CLVS2: variants seen among roughly 807,000 people sequenced by gnomAD.
The protein encoded by CLVS2 is clavesin 2.
Under a neutral mutation model 29.0 loss-of-function variants are expected in CLVS2, and 19 were observed. The observed-to-expected ratio is 0.66, with a 90% CI of 0.46 to 0.96. CLVS2 has a LOEUF of 0.96. CLVS2 is among the 40% of genes least tolerant of loss of function. The probability of loss-of-function intolerance (pLI) is 0.00; values close to 1 mark genes in which losing one functional copy is unlikely to be tolerated. For synonymous variants in CLVS2, 161 were observed against 151.3 expected (o/e 1.06, Z -0.47); for missense variants, 294 against 404.1 (o/e 0.73, Z 2.34).
At chr6:123,036,539 G>A (rs1172334113) in intron 3 of CLVS2, among the ~76,000 whole-genome samples, 2 of 152,152 alleles carry the variant, frequency 1.3e-5, no homozygotes, top group African/African-American at 2.4e-5. Context: ...CAAGCTGAAC[G>A]CTTGCTTCTT....
intron 2 of CLVS2, among the ~76,000 whole-genome samples, chr6:123,005,537 A>G (rs1774655195): frequency 6.6e-6 from 1 of 152,196 alleles, no homozygotes; most frequent in Non-Finnish European, 1.5e-5. Flanking sequence ...TTTTCTTGTC[A>G]TGCTGAAAAG....
intron 5 of CLVS2, among the ~76,000 whole-genome samples, chr6:123,062,280 A>C (rs1401253326): frequency 1.3e-5 from 2 of 152,180 alleles, no homozygotes; most frequent in African/African-American, 4.8e-5. Context: ...CTCCTTTGTT[A>C]AAAAGTATTT....
At chr6:123,036,760 G>T (rs1216706656) in intron 3 of CLVS2, among the ~76,000 whole-genome samples, 1 of 152,122 alleles carries the variant, frequency 6.6e-6, no homozygotes, top group Admixed American at 6.6e-5. Flanking sequence ...TGAAGAACAT[G>T]TGCCTGAAAC....
At chr6:123,047,466 C>T (rs899303445) in intron 3 of CLVS2, among the ~76,000 whole-genome samples, 1 of 152,064 alleles carries the variant, frequency 6.6e-6, no homozygotes, top group Non-Finnish European at 1.5e-5. Flanking sequence ...GTAGAAGTTG[C>T]TTCGCAAAAT....
chr6:123,030,839 T>G (rs1363931839), intron 3 of CLVS2, among the ~76,000 whole-genome samples: 1 of 145,706 alleles, frequency 6.9e-6, no homozygotes, highest in Admixed American at 6.9e-5. Flanking sequence ...ATATATAAAA[T>G]ATATATATAT....
At chr6:123,062,312 G>A (rs971473602) in intron 5 of CLVS2, among the ~76,000 whole-genome samples, 1 of 152,050 alleles carries the variant, frequency 6.6e-6, no homozygotes, top group Admixed American at 6.6e-5. Flanking sequence ...TTTAAATAAA[G>A]ATGATTATGT....
intron 3 of CLVS2, among the ~76,000 whole-genome samples, chr6:123,036,675 C>T (rs1775158922): frequency 6.6e-6 from 1 of 152,170 alleles, no homozygotes; most frequent in African/African-American, 2.4e-5. Context: ...ATTAGAGTTC[C>T]TCATCAGCAC....
chr6:123,063,318 C>T (rs888305493), intron 5 of CLVS2, among the ~76,000 whole-genome samples: 2 of 151,654 alleles, frequency 1.3e-5, no homozygotes, highest in Non-Finnish European at 2.9e-5. Flanking sequence ...TAATTTTTTT[C>T]CATTTGGAGA....
chr6:123,044,429 A>G (rs572902101), intron 3 of CLVS2, among the ~76,000 whole-genome samples: 1 of 152,264 alleles, frequency 6.6e-6, no homozygotes, highest in East Asian at 1.9e-4. Context: ...CCCAAGCCAC[A>G]GTAGGATCTA....
At chr6:123,040,457 A>G (rs1240993176) in intron 3 of CLVS2, among the ~76,000 whole-genome samples, 1 of 152,230 alleles carries the variant, frequency 6.6e-6, no homozygotes, top group East Asian at 1.9e-4. Context: ...AAAGAAAAAA[A>G]AAGAGTAACG....
At chr6:123,061,981 T>C (rs1270786601) in intron 5 of CLVS2, among the ~76,000 whole-genome samples, 1 of 152,194 alleles carries the variant, frequency 6.6e-6, no homozygotes, top group Non-Finnish European at 1.5e-5. Flanking sequence ...TGAAGTTCTT[T>C]CAATTTGGAA....
rs1772635414 is a variant in CLVS2, at chr6:123,052,937, T to C, written c.676-2869T>C. ...GACATATATTTCTAGTGCAGGGATA[T>C]TATTTTAAAGCCACTGACTGAATAA... On this transcript the variant is annotated intron_variant, in intron 4 of 5. Transcript: ENST00000275162. Among the ~76,000 whole-genome samples, 2 of 150,054 alleles carry C rather than the reference T, an allele frequency of 1.3e-5. 1 individual carries two copies. Among genetic ancestry groups the C allele is most frequent in the South Asian group, 4.3e-4 (2 of 4,610 alleles).
intron 3 of CLVS2, among the ~76,000 whole-genome samples, chr6:123,013,554 G>A (rs1033480158): frequency 2.6e-5 from 4 of 152,028 alleles, no homozygotes; most frequent in East Asian, 1.9e-4. Context: ...TGAATGGGAT[G>A]TAACTCTGTT....
At chr6:123,062,268 G>T (rs576430305) in intron 5 of CLVS2, among the ~76,000 whole-genome samples, 4 of 152,044 alleles carry the variant, frequency 2.6e-5, no homozygotes, top group Non-Finnish European at 5.9e-5. Context: ...TTGTGCAATT[G>T]TCTCCTTTGT....
intron 3 of CLVS2, among the ~76,000 whole-genome samples, chr6:123,013,284 T>C (rs1774779106): frequency 6.6e-6 from 1 of 152,164 alleles, no homozygotes; most frequent in African/African-American, 2.4e-5. Context: ...GAAGTAAAGA[T>C]ACATACACAG....
intron 3 of CLVS2, among the ~76,000 whole-genome samples, chr6:123,040,816 A>G: frequency 6.6e-6 from 1 of 152,130 alleles, no homozygotes; most frequent in Non-Finnish European, 1.5e-5. Flanking sequence ...ATTGTTAATT[A>G]CAAGTGATAA....
In CLVS2 at chr6:123,032,630, T is replaced by C. The variant is rs529626081; in HGVS notation, c.565-15992T>C. Reference sequence around the variant, plus strand: ...AAGCGAGTGTTGGTTGTAGAGTGGGTGAATGCTGCATGGCTATAGGAGTAT... The same window carrying C: ...AAGCGAGTGTTGGTTGTAGAGTGGGCGAATGCTGCATGGCTATAGGAGTAT... On this transcript the variant is annotated intron_variant, in intron 3 of 5. Transcript: ENST00000275162. 2.2e-4 allele frequency among the ~76,000 whole-genome samples: 33 copies of C among 152,208 alleles called. No homozygotes were observed. The South Asian group carries it at 4.6e-3, about 21-fold the overall frequency.
At chr6:123,062,744 G>A (rs923497333) in intron 5 of CLVS2, among the ~76,000 whole-genome samples, 4 of 152,174 alleles carry the variant, frequency 2.6e-5, no homozygotes, top group Non-Finnish European at 4.4e-5. Flanking sequence ...CTTTTCAGAA[G>A]TTAATGAGGT....
At chr6:123,021,053 G>A (rs937894457) in intron 3 of CLVS2, among the ~76,000 whole-genome samples, 1 of 150,562 alleles carries the variant, frequency 6.6e-6, no homozygotes, top group African/African-American at 2.4e-5. Flanking sequence ...AAAGAGTATG[G>A]GGGGGGTAAA....
Sources: gnomAD v4.1 joint callset for allele counts (sites outside exome capture counted in the v4.1 genomes callset) on GRCh38, gnomAD v4.1.1 for gene constraint, MANE v1.5 for transcripts, NCBI Gene and HGNC (gene_info 2026-07-23, HGNC 2026-07-21) for gene names.